Variants in RGS6 observed in about 807,000 individuals in gnomAD.
RGS6 encodes the protein regulator of G-protein signaling 6.
Under a neutral mutation model 78.5 loss-of-function variants are expected in RGS6, and 30 were observed. That is an observed-to-expected ratio of 0.38 (90% CI 0.29 to 0.52). The LOEUF (loss-of-function observed/expected upper bound fraction) is 0.52. RGS6 is among the 20% of genes least tolerant of loss of function. The pLI is 0.85. For synonymous variants in RGS6, 206 were observed against 206.0 expected (o/e 1.00, Z 0.00); for missense variants, 495 against 609.7 (o/e 0.81, Z 1.98).
chr14:72,144,972 C>A (rs1005437445), intron 2 of RGS6, among the ~76,000 whole-genome samples: 1 of 151,836 alleles, frequency 6.6e-6, no homozygotes, highest in African/African-American at 2.4e-5. Context: ...GCTCAGGAAG[C>A]GAGGAGTGAT....
chr14:71,889,466 T>A, the RGS6 span, among the ~76,000 whole-genome samples: 1 of 151,934 alleles, frequency 6.6e-6, no homozygotes, highest in Admixed American at 6.6e-5. Flanking sequence ...GAAGGGGGAT[T>A]TTAGGACTCA....
intron 2 of RGS6, among the ~76,000 whole-genome samples, chr14:72,054,316 A>T (rs12896291): frequency 0.14 from 20,801 of 152,144 alleles, 1,926 homozygotes; most frequent in Non-Finnish European, 0.21. Context: ...CGCTCAATTA[A>T]CTATACCAGA....
chr14:72,473,660 C>G (rs530576009), intron 9 of RGS6, among the ~76,000 whole-genome samples: 17 of 152,294 alleles, frequency 1.1e-4, no homozygotes, highest in Non-Finnish European at 2.2e-4. Flanking sequence ...AAAGTCTTTG[C>G]AAACACTGAA....
At chr14:71,953,140 A>G (rs955634164) in intron 1 of RGS6, among the ~76,000 whole-genome samples, 1 of 152,212 alleles carries the variant, frequency 6.6e-6, no homozygotes, top group African/African-American at 2.4e-5. Flanking sequence ...ATGTGAGAAG[A>G]GAGGGAAGAC....
intron 2 of RGS6, among the ~76,000 whole-genome samples, chr14:72,215,411 A>T (rs2045327855): frequency 1.3e-5 from 2 of 152,212 alleles, no homozygotes; most frequent in South Asian, 2.1e-4. Flanking sequence ...GCCATAAAGA[A>T]ATAGCACTTG....
rs529374337 is a variant in RGS6, at chr14:72,132,279, C to CT, written c.84+167420dup. ...TTTTGTATGTATTCTTCTTCTTCTT[C>CT]TTTTTTTTTTTTTTTTAGGTGGAGT... On this transcript the variant is annotated intron_variant, in intron 2 of 17. Transcript: ENST00000553525. Among the ~76,000 whole-genome samples the CT allele has an allele frequency of 3.8e-3, 524 of 137,968 alleles. 2 individuals carry two copies. Among genetic ancestry groups the CT allele is most frequent in the African/African-American group, 8.2e-3 (312 of 37,934 alleles). 90.5% of individuals were successfully genotyped at this position (137,968 alleles called of 152,430 possible).
chr14:72,005,859 CTTTA>C (rs1412140652), intron 2 of RGS6, among the ~76,000 whole-genome samples: 3 of 151,716 alleles, frequency 2.0e-5, no homozygotes, highest in Non-Finnish European at 4.4e-5. Flanking sequence ...TACATTTTTA[CTTTA>C]TTCATTATTG....
the RGS6 span, among the ~76,000 whole-genome samples, chr14:72,613,476 G>C: frequency 2.0e-5 from 3 of 152,228 alleles, no homozygotes; most frequent in African/African-American, 7.2e-5. Context: ...TCCTGGTGGA[G>C]CCAAAGAAGG....
chr14:71,869,053 C>T, the RGS6 span, among the ~76,000 whole-genome samples: 1 of 152,208 alleles, frequency 6.6e-6, no homozygotes, highest in Non-Finnish European at 1.5e-5. Flanking sequence ...TTCTGCCTCA[C>T]CCCTCTTTTT....
intron 2 of RGS6, among the ~76,000 whole-genome samples, chr14:72,116,928 C>T (rs1157184712): frequency 7.3e-6 from 1 of 136,154 alleles, no homozygotes; most frequent in African/African-American, 2.8e-5. Flanking sequence ...CATGCCACTA[C>T]ACTCCAGCCT....
At chr14:72,219,921 A>C (rs2046461780) in intron 2 of RGS6, among the ~76,000 whole-genome samples, 1 of 152,168 alleles carries the variant, frequency 6.6e-6, no homozygotes, top group Admixed American at 6.5e-5. Flanking sequence ...AGTTGTTCCA[A>C]ATAGGAAGAG....
Position 72,253,032 on chromosome 14 carries a change from C to A in RGS6, c.85-99063C>A, listed in dbSNP as rs542438250. Among the ~76,000 whole-genome samples, 10 of 152,364 alleles carry A rather than the reference C, an allele frequency of 6.6e-5. 1 individual carries two copies. Among genetic ancestry groups the A allele is most frequent in the African/African-American group, 2.4e-4 (10 of 41,594 alleles). On this transcript the variant is annotated intron_variant, in intron 2 of 17. Coordinates refer to ENST00000553525, the MANE Select transcript of RGS6 (RefSeq NM_001204424.2). Reference sequence around the variant, plus strand: ...TGGTAAGCACGGTCAGTTGTGTCAGCATTTGCACAAAGTCAGTGACTTACG... The same window carrying A: ...TGGTAAGCACGGTCAGTTGTGTCAGAATTTGCACAAAGTCAGTGACTTACG...
At chr14:72,299,026 T>C (rs1224388677) in intron 2 of RGS6, among the ~76,000 whole-genome samples, 1 of 152,206 alleles carries the variant, frequency 6.6e-6, no homozygotes, top group Non-Finnish European at 1.5e-5. Context: ...TTTGAAGGAA[T>C]TTGTTCATTT....
intron 17 of RGS6, among the ~76,000 whole-genome samples, chr14:72,556,832 GATTA>G (rs1297943473): frequency 4.0e-5 from 6 of 151,780 alleles, no homozygotes; most frequent in African/African-American, 1.4e-4. Flanking sequence ...TCTCTTTTTT[GATTA>G]ATTCACTTTT....
At chr14:72,409,897 C>T (rs2093273648) in intron 3 of RGS6, among the ~76,000 whole-genome samples, 1 of 152,170 alleles carries the variant, frequency 6.6e-6, no homozygotes, top group South Asian at 2.1e-4. Flanking sequence ...ATGAACTCAT[C>T]CTTTTTTATG....
At chr14:72,228,367 C>G (rs562787923) in intron 2 of RGS6, among the ~76,000 whole-genome samples, 2 of 151,424 alleles carry the variant, frequency 1.3e-5, no homozygotes, top group Non-Finnish European at 2.9e-5. Flanking sequence ...AGCAACAGAG[C>G]GAGACTCTGT....
chr14:72,347,170 A>T (rs2078216167), intron 2 of RGS6, among the ~76,000 whole-genome samples: 1 of 152,230 alleles, frequency 6.6e-6, no homozygotes, highest in Non-Finnish European at 1.5e-5. Flanking sequence ...ATATTAAAGG[A>T]TGTCAGGGAA....
At position 72,046,927 on chromosome 14, in the gene RGS6, T is replaced by C. The variant is rs536504087; in HGVS notation, c.84+82052T>C. ...TCCAGTATCGACAAATAGTAAAAAT[T>C]GACTTCACATAATAACACCTTTATT... is the stretch of plus-strand genomic sequence containing the variant. On this transcript the variant is annotated intron_variant, in intron 2 of 17. Coordinates refer to ENST00000553525, the MANE Select transcript of RGS6 (RefSeq NM_001204424.2). 2.2e-4 allele frequency among the ~76,000 whole-genome samples: 34 copies of C among 152,334 alleles called. 2 individuals carry two copies. In the South Asian group the frequency reaches 6.6e-3, roughly 30 times the overall value.
intron 3 of RGS6, among the ~76,000 whole-genome samples, chr14:72,443,764 C>T (rs993158557): frequency 2.6e-5 from 4 of 152,218 alleles, no homozygotes; most frequent in African/African-American, 9.6e-5. Flanking sequence ...ATCTGTCATG[C>T]TCTCTGGTGG....
Sources: allele counts gnomAD v4.1 joint callset (sites outside exome capture counted in the v4.1 genomes callset), GRCh38; gene constraint gnomAD v4.1.1; transcripts MANE v1.5; gene names NCBI Gene and HGNC (gene_info 2026-07-23, HGNC 2026-07-21).